NCKAP5: variants seen among roughly 807,000 people sequenced by gnomAD.
NCKAP5 encodes nck-associated protein 5.
Under a neutral mutation model 167.0 loss-of-function variants are expected in NCKAP5, and 92 were observed. The observed-to-expected ratio is 0.55, with a 90% confidence interval of 0.47 to 0.66. The LOEUF is 0.66. Among genes scored for constraint, NCKAP5 ranks in the 30% least tolerant of loss-of-function variants. The probability of loss-of-function intolerance (pLI) is 0.00; values close to 1 mark genes in which losing one functional copy is unlikely to be tolerated. For synonymous variants in NCKAP5, 891 were observed against 877.4 expected, an observed-to-expected ratio of 1.02 and a Z score of -0.27; for missense variants, 2,378 against 2,315.0, an observed-to-expected ratio of 1.03 and a Z score of -0.56.
At chr2:133,627,592 G>A in the NCKAP5 span, among the ~76,000 whole-genome samples, 245 of 152,226 alleles carry the variant, frequency 1.6e-3, 1 homozygote, top group Non-Finnish European at 2.9e-3. Flanking sequence ...TGGACAGCAC[G>A]GCGAAACCCC....
At chr2:133,589,035 A>C in the NCKAP5 span, among the ~76,000 whole-genome samples, 262 of 152,254 alleles carry the variant, frequency 1.7e-3, no homozygotes, top group Admixed American at 2.7e-3. Flanking sequence ...CTTGGACTCC[A>C]AGTAAGATGT....
At chr2:132,793,750 A>ACACAGAC (rs1459460990) in intron 12 of NCKAP5, among the ~76,000 whole-genome samples, 2 of 152,120 alleles carry the variant, frequency 1.3e-5, no homozygotes, top group African/African-American at 4.8e-5. Flanking sequence ...GTGTAGGTGT[A>ACACAGAC]CGTGTAGCGG....
chr2:133,374,369 T>C (rs940999289), intron 3 of NCKAP5, among the ~76,000 whole-genome samples: 1 of 152,144 alleles, frequency 6.6e-6, no homozygotes, highest in Non-Finnish European at 1.5e-5. Flanking sequence ...GCACAGAGGA[T>C]TTTTAGAGCA....
intron 2 of NCKAP5, among the ~76,000 whole-genome samples, chr2:133,544,015 G>C (rs1034899819): frequency 2.2e-4 from 33 of 152,324 alleles, no homozygotes; most frequent in African/African-American, 7.0e-4. Flanking sequence ...AAACTACTGA[G>C]CAATGGATTT....
chr2:133,230,970 G>C (rs780313005), intron 4 of NCKAP5, among the ~76,000 whole-genome samples: 11 of 152,182 alleles, frequency 7.2e-5, no homozygotes, highest in Non-Finnish European at 1.6e-4. Flanking sequence ...ATGGTTTTTA[G>C]GGGATGCTGC....
chr2:133,078,828 T>C (rs2080704418), intron 6 of NCKAP5, among the ~76,000 whole-genome samples: 1 of 152,168 alleles, frequency 6.6e-6, no homozygotes, highest in African/African-American at 2.4e-5. Flanking sequence ...CAACAAGAGA[T>C]GCCTTGGTGT....
chr2:132,864,839 G>C (rs544692705), intron 10 of NCKAP5, among the ~76,000 whole-genome samples: 8 of 152,258 alleles, frequency 5.3e-5, no homozygotes, highest in African/African-American at 1.9e-4. Context: ...ATGGAATTGG[G>C]GCTTAGAGGG....
chr2:133,065,264 A>G (rs188528926), intron 6 of NCKAP5, among the ~76,000 whole-genome samples: 3 of 152,240 alleles, frequency 2.0e-5, no homozygotes, highest in African/African-American at 7.2e-5. Context: ...GAAAGCACAC[A>G]CACAAAAATT....
intron 19 of NCKAP5, among the ~76,000 whole-genome samples, chr2:132,679,084 G>A (rs6719585): frequency 0.016 from 2,376 of 152,190 alleles, 60 homozygotes; most frequent in African/African-American, 0.049. Context: ...AAAGGCTGAC[G>A]GGAGGCCAAA....
At chr2:133,616,678 A>G in the NCKAP5 span, among the ~76,000 whole-genome samples, 26 of 152,086 alleles carry the variant, frequency 1.7e-4, no homozygotes, top group Non-Finnish European at 3.1e-4. Flanking sequence ...CCAACCAAAA[A>G]GAGTCCAGGA....
intron 6 of NCKAP5, among the ~76,000 whole-genome samples, chr2:133,070,644 T>G (rs2080357601): frequency 6.6e-6 from 1 of 152,114 alleles, no homozygotes. Context: ...CTTTTTCAAG[T>G]CACTGCTACT....
In NCKAP5 at chr2:133,080,536, G is replaced by A. The variant is rs565046402; in HGVS notation, c.341+49442C>T. On this transcript the variant is annotated intron_variant, in intron 6 of 19. Coordinates refer to ENST00000409261, the MANE Select transcript of NCKAP5 (RefSeq NM_207363.3). ...TCTACAGCTGCTTTTATGCTACAATGGCAGAGGTGAATAGTTGCAACAGAG... is the reference window on the plus strand; with the variant it reads ...TCTACAGCTGCTTTTATGCTACAATAGCAGAGGTGAATAGTTGCAACAGAG... 9.4e-4 allele frequency among the ~76,000 whole-genome samples: 143 copies of A among 152,240 alleles called. No homozygotes were observed. The Middle Eastern group carries it at 0.017, about 18-fold the overall frequency.
intron 3 of NCKAP5, among the ~76,000 whole-genome samples, chr2:133,339,617 G>T (rs1683441851): frequency 6.6e-6 from 1 of 152,200 alleles, no homozygotes; most frequent in Non-Finnish European, 1.5e-5. Flanking sequence ...AAGACAGATG[G>T]CCTTCTCCTT....
At chr2:133,590,996 G>A in the NCKAP5 span, among the ~76,000 whole-genome samples, 3 of 152,008 alleles carry the variant, frequency 2.0e-5, no homozygotes, top group South Asian at 2.1e-4. Flanking sequence ...TGAGTGGCAC[G>A]GGTTGTGTGT....
chr2:132,892,458 A>G (rs1692787579), intron 8 of NCKAP5, among the ~76,000 whole-genome samples: 2 of 152,186 alleles, frequency 1.3e-5, no homozygotes, highest in Admixed American at 1.3e-4. Flanking sequence ...TCAGAGATAC[A>G]AATCTATGAC....
At chr2:132,750,886 G>A (rs780655434) in intron 16 of NCKAP5, among the ~76,000 whole-genome samples, 4 of 152,220 alleles carry the variant, frequency 2.6e-5, no homozygotes, top group African/African-American at 9.6e-5. Context: ...AGCCAAATGA[G>A]GAGGATGAGG....
intron 3 of NCKAP5, among the ~76,000 whole-genome samples, chr2:133,396,212 A>G: frequency 6.6e-6 from 1 of 152,258 alleles, no homozygotes; most frequent in South Asian, 2.1e-4. Flanking sequence ...ATTGGGAAGC[A>G]TAAAGTAAAT....
the NCKAP5 span, among the ~76,000 whole-genome samples, chr2:133,608,929 T>C: frequency 1.3e-5 from 2 of 152,224 alleles, no homozygotes; most frequent in Non-Finnish European, 2.9e-5. Flanking sequence ...ACTGAATGGA[T>C]TGGCATTTTT....
intron 3 of NCKAP5, among the ~76,000 whole-genome samples, chr2:133,421,308 C>T (rs1038761682): frequency 1.4e-5 from 2 of 145,848 alleles, no homozygotes; most frequent in African/African-American, 5.0e-5. Flanking sequence ...AACATGTTTA[C>T]GCCTCCTAAT....
Sources: allele counts gnomAD v4.1 joint callset (sites outside exome capture counted in the v4.1 genomes callset), GRCh38; gene constraint gnomAD v4.1.1; transcripts MANE v1.5; gene names NCBI Gene and HGNC (gene_info 2026-07-23, HGNC 2026-07-21).